Variants in FABP6 observed in about 807,000 individuals in gnomAD.
The protein encoded by FABP6 is gastrotropin.
In FABP6, 13 loss-of-function variants were observed where a neutral mutation model predicts 14.9. The observed-to-expected ratio is 0.87, with a 90% CI of 0.57 to 1.39. The LOEUF is 1.39. Among genes scored for constraint, FABP6 ranks in the 40% most tolerant of loss-of-function variants. FABP6 has a pLI of 0.00. For missense variants in FABP6, 161 were observed against 167.2 expected (o/e 0.96, Z 0.20); for synonymous variants, 75 against 63.6 (o/e 1.18, Z -0.85).
chr5:160,188,623 C>A (rs1759336715), intron 1 of FABP6, among the ~76,000 whole-genome samples: 1 of 152,164 alleles, frequency 6.6e-6, no homozygotes, highest in Non-Finnish European at 1.5e-5. Context: ...GAGGTGTCGC[C>A]CCTGGGCTGC....
intron 3 of FABP6, among the ~76,000 whole-genome samples, chr5:160,219,678 G>A (rs1412573894): frequency 7.1e-5 from 2 of 28,020 alleles, no homozygotes. Context: ...TGGAAGAGTA[G>A]CAACTAAGGA....
chr5:160,214,495 G>T (rs1017853799), intron 3 of FABP6, among the ~76,000 whole-genome samples: 9 of 151,184 alleles, frequency 6.0e-5, no homozygotes, highest in Non-Finnish European at 1.2e-4. Flanking sequence ...TTTTAATTTT[G>T]TAGAGACGGG....
chr5:160,213,609 A>G, intron 2 of FABP6: 1 of 773,572 alleles, frequency 1.3e-6, no homozygotes, highest in South Asian at 1.5e-5. Context: ...TGCTCAAATC[A>G]GTTTCCATTG....
At chr5:160,212,039 G>T (rs1759903601) in intron 2 of FABP6, among the ~76,000 whole-genome samples, 1 of 141,076 alleles carries the variant, frequency 7.1e-6, no homozygotes, top group Non-Finnish European at 1.5e-5. Flanking sequence ...CCAGGCTGTA[G>T]TGCAATGGTG....
At position 160,216,323 on chromosome 5, in the gene FABP6, A is replaced by T. The variant is rs1467464504; in HGVS notation, c.135+2504A>T. On this transcript the variant is annotated intron_variant, in intron 3 of 6. Transcript: ENST00000393980. ...CACTCTGTCACCCAGGCTGGAGTGCAGTGACACAATCTCAGCTCACTGCAA... is the reference window on the plus strand; with the variant it reads ...CACTCTGTCACCCAGGCTGGAGTGCTGTGACACAATCTCAGCTCACTGCAA... 2.8e-4 allele frequency among the ~76,000 whole-genome samples: 42 copies of T among 150,728 alleles called. 1 individual carries two copies. The highest frequency in any genetic ancestry group is 5.5e-4 in the Non-Finnish European group (37 of 67,830).
chr5:160,237,106 G>T (rs920921565), intron 3 of FABP6, among the ~76,000 whole-genome samples: 1 of 152,168 alleles, frequency 6.6e-6, no homozygotes, highest in African/African-American at 2.4e-5. Flanking sequence ...TCTGATGAAA[G>T]GGCTTTTGAT....
intron 2 of FABP6, among the ~76,000 whole-genome samples, chr5:160,201,754 C>T (rs1759646038): frequency 6.6e-6 from 1 of 151,744 alleles, no homozygotes; most frequent in South Asian, 2.1e-4. Flanking sequence ...TGAACTCATT[C>T]ATTCATTCAC....
intron 2 of FABP6, among the ~76,000 whole-genome samples, chr5:160,202,964 T>G (rs1759676704): frequency 6.6e-6 from 1 of 151,322 alleles, no homozygotes. Context: ...TGCAATGGCT[T>G]GATCTCAGCT....
chr5:160,204,242 A>G (rs949504812), intron 2 of FABP6, among the ~76,000 whole-genome samples: 13 of 151,954 alleles, frequency 8.6e-5, no homozygotes, highest in African/African-American at 2.9e-4. Flanking sequence ...GCTTGAACCC[A>G]GGAGTTGGAG....
chr5:160,222,095 C>CCTT lies in FABP6; in HGVS notation c.136-7451_136-7450insCTT, dbSNP rs1232836116. ...TTGTTCTTTCCAAATTTTTTCTTTT[C>CCTT]TTTTTTTTTTTTTTTTTAGACAGGG... On this transcript the variant is annotated intron_variant, in intron 3 of 6. Transcript: ENST00000393980. Among the ~76,000 whole-genome samples the CCTT allele has an allele frequency of 2.3e-5, 3 of 130,340 alleles. No homozygotes were observed. The East Asian group carries it at 6.5e-4, about 28-fold the overall frequency. 85.5% of individuals were successfully genotyped at this position (130,340 alleles called of 152,430 possible). A position where few individuals can be genotyped will look rare whatever the true frequency, so the allele number is the denominator to read the frequency against.
rs76665145 is a variant in FABP6 at position 160,218,779 on chromosome 5, G to A, written c.135+4960G>A. Among the ~76,000 whole-genome samples the A allele has an allele frequency of 2.1e-5, 3 of 144,392 alleles. No individual in the cohort carries two copies. In the East Asian group the frequency reaches 6.0e-4, roughly 29 times the overall value. The allele number at this position is 144,392 out of a possible 152,430, so 94.7% of individuals were successfully genotyped here. On this transcript the variant is annotated intron_variant, in intron 3 of 6. Transcript: ENST00000393980. ...CCTGGCCTTTTTTTTTTTTTTATGAGTTGGGGTCTCATTCTGTCACCCAGG... is the reference window on the plus strand; with the variant it reads ...CCTGGCCTTTTTTTTTTTTTTATGAATTGGGGTCTCATTCTGTCACCCAGG...
intron 2 of FABP6, among the ~76,000 whole-genome samples, chr5:160,202,978 T>C (rs1277929668): frequency 1.3e-5 from 2 of 150,642 alleles, no homozygotes; most frequent in Admixed American, 1.3e-4. Flanking sequence ...CTCAGCTCAC[T>C]GCAACCTCTG....
intron 2 of FABP6, among the ~76,000 whole-genome samples, chr5:160,212,901 G>A (rs1166161574): frequency 6.6e-6 from 1 of 152,194 alleles, no homozygotes; most frequent in Non-Finnish European, 1.5e-5. Context: ...ACAGGTGTGA[G>A]CCACTACGTC....
chr5:160,236,464 C>T (rs750377340), intron 3 of FABP6, among the ~76,000 whole-genome samples: 114 of 152,202 alleles, frequency 7.5e-4, no homozygotes, highest in Non-Finnish European at 1.5e-3. Flanking sequence ...CACGCGCAGT[C>T]CATAAGATGG....
intron 3 of FABP6, among the ~76,000 whole-genome samples, chr5:160,221,185 A>G (rs1156330226): frequency 7.2e-5 from 11 of 151,974 alleles, no homozygotes; most frequent in Admixed American, 7.2e-4. Flanking sequence ...TGTTTGTTGA[A>G]TGAATCAATG....
chr5:160,222,095 C>CTTTTTTT (rs202190021), intron 3 of FABP6, among the ~76,000 whole-genome samples: 39 of 130,258 alleles, frequency 3.0e-4, no homozygotes, highest in East Asian at 6.6e-4. Context: ...TTTTTCTTTT[C>CTTTTTTT]TTTTTTTTTT....
chr5:160,212,686 G>GT (rs1759917447), intron 2 of FABP6, among the ~76,000 whole-genome samples: 1 of 152,026 alleles, frequency 6.6e-6, no homozygotes, highest in Non-Finnish European at 1.5e-5. Flanking sequence ...AGCCAGGCTG[G>GT]TCTCGATCTC....
At chr5:160,191,381 C>T (rs555139332) in intron 1 of FABP6, among the ~76,000 whole-genome samples, 9 of 151,650 alleles carry the variant, frequency 5.9e-5, no homozygotes, top group African/African-American at 2.2e-4. Context: ...GCAGGAGAAT[C>T]GCTTGAAACC....
chr5:160,218,458 T>A (rs968092985), intron 3 of FABP6, among the ~76,000 whole-genome samples: 17 of 95,742 alleles, frequency 1.8e-4, no homozygotes, highest in African/African-American at 6.7e-4. Context: ...TCTTAGTCTT[T>A]GACTTTTTTT....
Sources: allele counts gnomAD v4.1 joint callset (sites outside exome capture counted in the v4.1 genomes callset), GRCh38; gene constraint gnomAD v4.1.1; transcripts MANE v1.5; gene names NCBI Gene and HGNC (gene_info 2026-07-23, HGNC 2026-07-21).